DCBLD1: variants seen among roughly 807,000 people sequenced by gnomAD.
The protein encoded by DCBLD1 is discoidin, CUB and LCCL domain-containing protein 1.
In DCBLD1, 57 loss-of-function variants were observed where a neutral mutation model predicts 71.5. The ratio of observed to expected loss-of-function variants is 0.80; its 90% CI spans 0.64 to 0.99. DCBLD1 has a LOEUF of 0.99. DCBLD1 is among the 50% of genes least tolerant of loss of function. The pLI, the probability that DCBLD1 is intolerant of heterozygous loss-of-function variation, is 0.00. For missense variants in DCBLD1, 891 were observed against 923.5 expected (o/e 0.96, Z 0.46); for synonymous variants, 380 against 363.8 (o/e 1.04, Z -0.51).
chr6:117,543,975 A>G (rs938160199), intron 12 of DCBLD1, among the ~76,000 whole-genome samples: 2 of 152,230 alleles, frequency 1.3e-5, no homozygotes, highest in Non-Finnish European at 2.9e-5. Context: ...AAAAATGGAA[A>G]GTATTCTGAA....
At chr6:117,541,938 ACCATTCC>A (rs1259601428) in intron 11 of DCBLD1, among the ~76,000 whole-genome samples, 3 of 152,186 alleles carry the variant, frequency 2.0e-5, no homozygotes, top group East Asian at 3.8e-4. Context: ...TATTTACTTG[ACCATTCC>A]CCTGCTGTTG....
rs760140359 is a variant in DCBLD1 at position 117,540,818 on chromosome 6, A to G, written c.1249+3A>G. ...CATTGGTTGCCAGATTACACAAGGTAGGGCTCAGGGCAAGCCAGTGAGTTA... is the reference window on the plus strand; with the variant it reads ...CATTGGTTGCCAGATTACACAAGGTGGGGCTCAGGGCAAGCCAGTGAGTTA... On this transcript the variant is annotated splice_donor_region_variant and intron_variant, in intron 10 of 14. Transcript: ENST00000338728. 19 of 1,614,104 alleles carry G rather than the reference A, an allele frequency of 1.2e-5. No individual in the cohort carries two copies.
intron 14 of DCBLD1, among the ~76,000 whole-genome samples, chr6:117,569,297 C>A (rs994301496): frequency 6.6e-6 from 1 of 152,136 alleles, no homozygotes; most frequent in Non-Finnish European, 1.5e-5. Flanking sequence ...CATACTTAAT[C>A]CTCACAGCTT....
At chr6:117,520,182 T>G (rs558919142) in intron 3 of DCBLD1, among the ~76,000 whole-genome samples, 113 of 152,256 alleles carry the variant, frequency 7.4e-4, no homozygotes, top group Non-Finnish European at 1.1e-3. Flanking sequence ...AGAATTGTCT[T>G]GGGGCCACAC....
intron 8 of DCBLD1, 160 bp from the exon 9 acceptor site, chr6:117,539,095 T>C: frequency 1.4e-6 from 1 of 738,814 alleles, no homozygotes; most frequent in Non-Finnish European, 2.1e-6. Flanking sequence ...TGTGAAAACA[T>C]TAATCTGTGA....
chr6:117,550,088 A>G (rs1330444106), downstream of DCBLD1, among the ~76,000 whole-genome samples: 1 of 152,184 alleles, frequency 6.6e-6, no homozygotes, highest in African/African-American at 2.4e-5. Context: ...CTTTTTTCTA[A>G]TGTAAGCCTT....
chr6:117,490,493 T>C (rs118001523), intron 1 of DCBLD1, among the ~76,000 whole-genome samples: 4,650 of 152,346 alleles, frequency 0.031, 83 homozygotes, highest in Non-Finnish European at 0.037. Context: ...TTTTGTTTTA[T>C]ATTATTCAAA....
At chr6:117,539,089 A>T (rs1779002293) in intron 8 of DCBLD1, 166 bp from the exon 9 acceptor site, 2 of 725,504 alleles carry the variant, frequency 2.8e-6, no homozygotes, top group African/African-American at 1.8e-5. Flanking sequence ...TGTCAGTGTG[A>T]AAACATTAAT....
chr6:117,524,682 TAAATC>T (rs1240628865), intron 4 of DCBLD1, among the ~76,000 whole-genome samples: 1 of 152,064 alleles, frequency 6.6e-6, no homozygotes, highest in Non-Finnish European at 1.5e-5. Flanking sequence ...TTTTGGAAGT[TAAATC>T]AAAAAAAGAG....
chr6:117,506,417 A>C (rs1054257330), intron 2 of DCBLD1, among the ~76,000 whole-genome samples: 2 of 152,222 alleles, frequency 1.3e-5, no homozygotes, highest in African/African-American at 4.8e-5. Context: ...TACATTATAC[A>C]GCAATTTCGT....
At chr6:117,535,005 C>T (rs1778839099) in intron 6 of DCBLD1, among the ~76,000 whole-genome samples, 1 of 152,180 alleles carries the variant, frequency 6.6e-6, no homozygotes, top group South Asian at 2.1e-4. Flanking sequence ...TGTATGTTCA[C>T]ACAGCCTCTT....
chr6:117,540,566 A>G, intron 9 of DCBLD1, 102 bp from the exon 10 acceptor site: 3 of 1,443,828 alleles, frequency 2.1e-6, no homozygotes, highest in Non-Finnish European at 2.8e-6. Flanking sequence ...CAACCGACAT[A>G]GAATCCTTGC....
At chr6:117,539,445 T>G in intron 9 of DCBLD1, 66 bp downstream of exon 9, 15 of 1,491,696 alleles carry the variant, frequency 1.0e-5, no homozygotes, top group Non-Finnish European at 1.3e-5. Context: ...TTTTCATCAA[T>G]GTGTTTACAT....
chr6:117,497,877 AT>A (rs1777522055), intron 1 of DCBLD1, among the ~76,000 whole-genome samples: 1 of 152,174 alleles, frequency 6.6e-6, no homozygotes, highest in Non-Finnish European at 1.5e-5. Flanking sequence ...ATTATAGAAT[AT>A]TTAGAGGAAA....
chr6:117,485,806 G>A (rs9401012), intron 1 of DCBLD1, among the ~76,000 whole-genome samples: 3,980 of 150,146 alleles, frequency 0.027, 143 homozygotes, highest in East Asian at 0.12. Flanking sequence ...AATTAATTTT[G>A]TTTATCAAGC....
chr6:117,545,008 G>A lies in DCBLD1; in HGVS notation c.1495+431G>A, dbSNP rs535715113. ...TCAGATAATCCTGCACACCAGCCCCGTCTGGTCTTTTTCTCACTTTCCCAG... is the reference window on the plus strand; with the variant it reads ...TCAGATAATCCTGCACACCAGCCCCATCTGGTCTTTTTCTCACTTTCCCAG... On this transcript the variant is annotated intron_variant, in intron 13 of 14. Transcript: ENST00000338728. Among the ~76,000 whole-genome samples the A allele has an allele frequency of 6.3e-4, 93 of 147,710 alleles. 1 individual carries two copies. In the South Asian group the frequency reaches 0.015, roughly 24 times the overall value.
At chr6:117,538,558 C>CTTTTTTTTTTTTTTTTTTTTTTTT in intron 7 of DCBLD1, 62 bp from the exon 8 acceptor site, 1 of 1,257,238 alleles carries the variant, frequency 8.0e-7, no homozygotes, top group Non-Finnish European at 1.1e-6. Flanking sequence ...TGTGGTACTA[C>CTTTTTTTTTTTTTTTTTTTTTTTT]TTTTTTTTTT....
chr6:117,517,410 A>G (rs183687412), intron 2 of DCBLD1, among the ~76,000 whole-genome samples: 181 of 152,234 alleles, frequency 1.2e-3, no homozygotes, highest in African/African-American at 4.2e-3. Flanking sequence ...CACTGCTTCC[A>G]CAGGCTGGTG....
intron 1 of DCBLD1, among the ~76,000 whole-genome samples, chr6:117,503,343 G>T (rs1777726771): frequency 6.6e-6 from 1 of 152,178 alleles, no homozygotes; most frequent in South Asian, 2.1e-4. Flanking sequence ...AGCATTTTCT[G>T]TACATTATCT....
Sources: allele counts gnomAD v4.1 joint callset (sites outside exome capture counted in the v4.1 genomes callset), GRCh38; gene constraint gnomAD v4.1.1; transcripts MANE v1.5; gene names NCBI Gene and HGNC (gene_info 2026-07-23, HGNC 2026-07-21).